Variants in WNK1 observed in about 807,000 individuals in gnomAD.
WNK1 encodes the protein WNK lysine deficient protein kinase 1.
WNK1 carries 38 observed loss-of-function variants against 222.8 expected under a neutral mutation model. That is an observed-to-expected ratio of 0.17 (90% CI 0.13 to 0.22). The LOEUF (loss-of-function observed/expected upper bound fraction) is 0.22, where lower values mean the gene tolerates loss of function less well. Among genes scored for constraint, WNK1 ranks in the 10% least tolerant of loss-of-function variants. The pLI is 1.00. For missense variants in WNK1, 2,348 were observed against 2,918.4 expected, an observed-to-expected ratio of 0.80 and a Z score of 4.50; for synonymous variants, 1,090 against 1,092.9, an observed-to-expected ratio of 1.00 and a Z score of 0.05.
intron 22 of WNK1, among the ~76,000 whole-genome samples, chr12:894,296 G>A (rs1468703279): frequency 6.6e-6 from 1 of 152,100 alleles, no homozygotes; most frequent in Non-Finnish European, 1.5e-5. Context: ...CTGAATTAAA[G>A]AATGAGTAAT....
chr12:805,310 T>C (rs1946277484), intron 1 of WNK1, among the ~76,000 whole-genome samples: 2 of 152,170 alleles, frequency 1.3e-5, no homozygotes, highest in Non-Finnish European at 2.9e-5. Flanking sequence ...GGCCCTTTTT[T>C]TGGGGAGGGG....
chr12:758,773 C>T (rs191581784), intron 1 of WNK1, among the ~76,000 whole-genome samples: 3 of 146,830 alleles, frequency 2.0e-5, no homozygotes. Flanking sequence ...TTCTTAAATC[C>T]TCAAAGTCAC....
chr12:822,868 T>C (rs1056957086), intron 2 of WNK1, among the ~76,000 whole-genome samples: 1 of 152,252 alleles, frequency 6.6e-6, no homozygotes, highest in Non-Finnish European at 1.5e-5. Flanking sequence ...GATTTGGTTT[T>C]ATGGCTTCAA....
At chr12:829,336 T>TGTA (rs1270822213) in intron 3 of WNK1, among the ~76,000 whole-genome samples, 1 of 152,224 alleles carries the variant, frequency 6.6e-6, no homozygotes, top group African/African-American at 2.4e-5. Flanking sequence ...TTCTTGTGTC[T>TGTA]GTAGTAGGCT....
intron 2 of WNK1, among the ~76,000 whole-genome samples, chr12:819,501 A>G (rs377534840): frequency 1.2e-4 from 18 of 152,130 alleles, no homozygotes; most frequent in South Asian, 2.1e-4. Flanking sequence ...CAGATTTTCT[A>G]TTGGAGCATT....
At chr12:880,091 A>T in intron 11 of WNK1, 60 bp downstream of exon 11, 1 of 1,510,642 alleles carries the variant, frequency 6.6e-7, no homozygotes, top group Non-Finnish European at 9.1e-7. Context: ...GATCATCAGG[A>T]ACATGGAAAT....
In WNK1 at chr12:808,959, T is replaced by C. The variant is rs866195154; in HGVS notation, c.760-4683T>C. Among the ~76,000 whole-genome samples, 24 of 152,106 alleles carry C rather than the reference T, an allele frequency of 1.6e-4. 1 individual carries two copies. The Middle Eastern group carries it at 0.014, about 86-fold the overall frequency. ...TTGTATTTTTAGTAGAAATGGGGTTTCACCATCTTGGCCAGTCTGGTCTTG... is the reference window on the plus strand; with the variant it reads ...TTGTATTTTTAGTAGAAATGGGGTTCCACCATCTTGGCCAGTCTGGTCTTG... On this transcript the variant is annotated intron_variant, in intron 1 of 27. Transcript: ENST00000315939.
At chr12:900,048 A>C (rs1955121151) in intron 25 of WNK1, among the ~76,000 whole-genome samples, 1 of 127,104 alleles carries the variant, frequency 7.9e-6, no homozygotes, top group African/African-American at 3.0e-5. Context: ...GTGCAGTGGC[A>C]TGATGTCGGC....
At position 882,010 on chromosome 12, in the gene WNK1, A is replaced by C; in HGVS notation, c.3309A>C (p.Arg1103=). The C allele has an allele frequency of 6.2e-7, 1 of 1,614,164 alleles. No homozygotes were observed. Among genetic ancestry groups the C allele is most frequent in the Non-Finnish European group, 8.5e-7 (1 of 1,180,020 alleles). The change falls in exon 14 of 28, where the codon CGA becomes CGC. Residue 1103 remains arginine, a synonymous_variant. Coordinates refer to ENST00000315939, the MANE Select transcript of WNK1 (RefSeq NM_018979.4). ...HEGRTTKRHY[R]KSVRSRSRHE... ...GAAGAACTACAAAACGGCATTACCG[A>C]AAATCTGTAAGGAGTCGCTCTCGAC...
chr12:884,276 A>G lies in WNK1; in HGVS notation c.3844+33A>G, dbSNP rs201842210. 1.3e-4 allele frequency: 205 copies of G among 1,613,598 alleles called. 3 individuals are homozygous for G. The South Asian group carries it at 2.2e-3, about 17-fold the overall frequency. On this transcript the variant is annotated intron_variant, in intron 18 of 27. Coordinates refer to ENST00000315939, the MANE Select transcript of WNK1 (RefSeq NM_018979.4). This position sits in a 1 kb window ranked among gnomAD's most constrained non-coding sequence, Gnocchi z 5.6. The stretch of plus-strand genomic sequence containing the variant: ...ATTGATTCTGCCACATTGTTATGTA[A>G]ATTCTACAGTGCCTCTGCTATGTTG...
At chr12:860,978 TA>T in intron 6 of WNK1, 34 bp from the exon 7 acceptor site, 1 of 1,597,572 alleles carries the variant, frequency 6.3e-7, no homozygotes, top group Non-Finnish European at 8.6e-7. Flanking sequence ...TTTCTTTCAA[TA>T]TACTACTGCT....
intron 1 of WNK1, among the ~76,000 whole-genome samples, chr12:781,738 G>T (rs1943731626): frequency 6.6e-6 from 1 of 152,074 alleles, no homozygotes; most frequent in Admixed American, 6.6e-5. Flanking sequence ...GGAGACTACA[G>T]ATTTAATTTT....
intron 4 of WNK1, among the ~76,000 whole-genome samples, chr12:833,568 CCTCCATGACATTTTAT>C (rs199643714): frequency 0.035 from 5,314 of 152,264 alleles, 122 homozygotes; most frequent in Non-Finnish European, 0.049. Context: ...TAACGGTCTT[CCTCCATGACATTTTAT>C]CTGATTGGTT....
In WNK1 at chr12:897,739, G is replaced by C. The variant is rs532457053; in HGVS notation, c.6448+58G>C. ...GTCCTATCTTTTGTTTCTGTCTCCA[G>C]CTGTATGTGACCTGCTGAACATTTG... On this transcript the variant is annotated intron_variant, in intron 25 of 27. Coordinates refer to ENST00000315939, the MANE Select transcript of WNK1 (RefSeq NM_018979.4). 1.5e-5 allele frequency: 23 copies of C among 1,549,774 alleles called. No homozygotes were observed. The East Asian group carries it at 4.5e-4, about 31-fold the overall frequency.
intron 1 of WNK1, among the ~76,000 whole-genome samples, chr12:801,311 G>A (rs905443484): frequency 2.0e-5 from 3 of 152,090 alleles, no homozygotes; most frequent in South Asian, 4.1e-4. Context: ...CACGTGTATC[G>A]CTCTTTGGTT....
At chr12:861,972 A>G in intron 7 of WNK1, 111 bp from the exon 8 acceptor site, 1 of 1,178,500 alleles carries the variant, frequency 8.5e-7, no homozygotes, top group Non-Finnish European at 1.2e-6. Context: ...CTGTGCAAGG[A>G]ATAACTAGTT....
intron 4 of WNK1, among the ~76,000 whole-genome samples, chr12:832,503 T>C (rs901784611): frequency 1.3e-5 from 2 of 152,232 alleles, no homozygotes; most frequent in African/African-American, 2.4e-5. Flanking sequence ...TCCTTCAATA[T>C]CCTTGTTGTA....
At position 753,345 on chromosome 12, in the gene WNK1, C is replaced by T. The variant is rs1457697879; in HGVS notation, c.-221C>T. 2.0e-5 allele frequency: 12 copies of T among 607,288 alleles called. No individual in the cohort carries two copies. The highest frequency in any genetic ancestry group is 4.4e-4 in the Middle Eastern group (1 of 2,268). The allele number at this position is 607,288 out of a possible 1,614,324, so 37.6% of individuals were successfully genotyped here. On this transcript the variant is annotated 5_prime_UTR_variant, in exon 1 of 28. Transcript: ENST00000315939. The surrounding 1 kb of genome is among the most constrained non-coding windows in gnomAD (Gnocchi z 5.2). ...GAATCGCCCGCCTTCGAGCCCTCCT[C>T]GTGAGCCGCAGCAGCCTCGGTGCCA...
intron 4 of WNK1, among the ~76,000 whole-genome samples, chr12:849,665 C>T (rs1020623075): frequency 6.6e-6 from 1 of 152,060 alleles, no homozygotes; most frequent in Non-Finnish European, 1.5e-5. Flanking sequence ...GTGCTGCACC[C>T]ATTAACTCAT....
Sources: gnomAD v4.1 joint callset for allele counts (sites outside exome capture counted in the v4.1 genomes callset) on GRCh38, gnomAD v4.1.1 for gene constraint, Gnocchi (gnomAD v3.1) non-coding constraint, MANE v1.5 for transcripts, NCBI Gene and HGNC (gene_info 2026-07-23, HGNC 2026-07-21) for gene names.